Variants in USH2A observed in about 807,000 individuals in gnomAD.
USH2A encodes usherin.
In USH2A, 443 loss-of-function variants were observed where a neutral mutation model predicts 538.9. The ratio of observed to expected loss-of-function variants is 0.82; its 90% CI spans 0.76 to 0.89. The LOEUF (loss-of-function observed/expected upper bound fraction) is 0.89, where lower values mean the gene tolerates loss of function less well. Ranked by LOEUF, USH2A falls within the 40% of genes least tolerant of loss-of-function variation. USH2A has a pLI of 0.00. For missense variants in USH2A, 6,633 were observed against 6,324.8 expected, an observed-to-expected ratio of 1.05 and a Z score of -1.65; for synonymous variants, 2,413 against 2,273.5, an observed-to-expected ratio of 1.06 and a Z score of -1.75.
intron 11 of USH2A, among the ~76,000 whole-genome samples, chr1:216,286,403 T>A (rs185781109): frequency 1.3e-5 from 2 of 152,264 alleles, no homozygotes; most frequent in East Asian, 3.9e-4. Context: ...TTGTGAGGCC[T>A]TCCCAGCCAC....
chr1:215,778,055 C>CTT (rs72004094), intron 55 of USH2A, among the ~76,000 whole-genome samples: 260 of 144,448 alleles, frequency 1.8e-3, no homozygotes, highest in East Asian at 9.5e-3. Context: ...ACCCCATTAT[C>CTT]TTTTTTTTTT....
intron 50 of USH2A, among the ~76,000 whole-genome samples, chr1:215,792,354 AAC>A (rs1331490640): frequency 2.3e-4 from 35 of 152,194 alleles, no homozygotes; most frequent in African/African-American, 7.7e-4. Flanking sequence ...TCACTCACAT[AAC>A]AAGAAGTGAC....
chr1:216,200,411 T>C (rs1409101996), intron 16 of USH2A, among the ~76,000 whole-genome samples: 2 of 152,178 alleles, frequency 1.3e-5, no homozygotes, highest in Admixed American at 1.3e-4. Flanking sequence ...TAAGAGAAAG[T>C]CCTTGCGGTT....
At chr1:216,145,935 T>A (rs1330253395) in intron 21 of USH2A, among the ~76,000 whole-genome samples, 1 of 151,986 alleles carries the variant, frequency 6.6e-6, no homozygotes, top group African/African-American at 2.4e-5. Flanking sequence ...GGCCCCACCC[T>A]TATCTCCCTT....
intron 37 of USH2A, among the ~76,000 whole-genome samples, chr1:215,959,833 C>T (rs983139983): frequency 2.6e-5 from 4 of 152,122 alleles, no homozygotes; most frequent in Admixed American, 6.6e-5. Context: ...AATTAGCACA[C>T]GCTGGTGCCT....
At chr1:216,176,532 A>G (rs2034386149) in intron 20 of USH2A, among the ~76,000 whole-genome samples, 2 of 152,190 alleles carry the variant, frequency 1.3e-5, no homozygotes, top group Admixed American at 1.3e-4. Flanking sequence ...TTCATTTGCT[A>G]CAGTAGATAA....
chr1:215,790,038 G>C (rs115766013), intron 51 of USH2A, 21 bp downstream of exon 51: 1 of 1,608,142 alleles, frequency 6.2e-7, no homozygotes, highest in African/African-American at 1.3e-5. Flanking sequence ...CAGCGCCTCC[G>C]AGAGCTTTTC....
At chr1:215,694,072 T>C (rs984951770) in intron 61 of USH2A, among the ~76,000 whole-genome samples, 7 of 152,058 alleles carry the variant, frequency 4.6e-5, no homozygotes, top group African/African-American at 1.7e-4. Flanking sequence ...AGAAAGACAT[T>C]TAGGGTTAAA....
chr1:216,072,854 T>A, intron 29 of USH2A, 35 bp downstream of exon 29: 1 of 1,489,436 alleles, frequency 6.7e-7, no homozygotes, highest in Non-Finnish European at 9.4e-7. Flanking sequence ...TGCATGTGTG[T>A]GTGTGCACAT....
chr1:215,637,534 T>C (rs1053715735), intron 69 of USH2A, among the ~76,000 whole-genome samples: 4 of 152,200 alleles, frequency 2.6e-5, no homozygotes, highest in Non-Finnish European at 4.4e-5. Context: ...CCTCCACTTG[T>C]CCACTTGGGG....
chr1:216,370,089 T>G (rs2038677023), intron 3 of USH2A, among the ~76,000 whole-genome samples: 1 of 151,984 alleles, frequency 6.6e-6, no homozygotes, highest in Admixed American at 6.6e-5. Flanking sequence ...CCAGGCACAA[T>G]GGCGCGTGCC....
In USH2A at chr1:215,886,095, A is replaced by G. The variant is rs79345313; in HGVS notation, c.8223+2331T>C. ...ATGTACTGATGTTCCGTAAATGTCA[A>G]TAGAACTGAAATTATTATTGTTACT... On this transcript the variant is annotated intron_variant, in intron 41 of 71. Transcript: ENST00000307340. 8.5e-3 allele frequency among the ~76,000 whole-genome samples: 1,292 copies of G among 152,340 alleles called. 22 individuals are homozygous for G. The highest frequency in any genetic ancestry group is 0.03 in the African/African-American group (1,227 of 41,580).
chr1:215,633,841 C>T, intron 70 of USH2A, among the ~76,000 whole-genome samples: 1 of 152,126 alleles, frequency 6.6e-6, no homozygotes, highest in East Asian at 1.9e-4. Flanking sequence ...AATGACTGTC[C>T]TGTAATACCA....
rs370040123 is a variant in USH2A at position 216,235,812 on chromosome 1, G to C, written c.2810-3676C>G. ...GCAATGCTGGGGCTAAGCACTAATT[G>C]TAAGACATTTAGAAGAAACTACTCT... On this transcript the variant is annotated intron_variant, in intron 13 of 71. Coordinates refer to ENST00000307340, the MANE Select transcript of USH2A (RefSeq NM_206933.4). Among the ~76,000 whole-genome samples the C allele has an allele frequency of 9.9e-5, 15 of 152,248 alleles. 1 individual carries two copies. Among genetic ancestry groups the C allele is most frequent in the Admixed American group, 3.9e-4 (6 of 15,294 alleles).
intron 3 of USH2A, among the ~76,000 whole-genome samples, chr1:216,368,108 A>G (rs2038634627): frequency 6.6e-6 from 1 of 152,130 alleles, no homozygotes; most frequent in Non-Finnish European, 1.5e-5. Context: ...TCAAATCTTC[A>G]TTCTCTTCAG....
rs867441803 is a variant in USH2A, at chr1:216,207,407, C to T, written c.3182G>A (p.Arg1061Lys). ...AGCAGAAGAACTTTGAACTTGTCCT[C>T]TGGGCGGAGGTTGCTGGAATGGAGC... ...SKTPFQQPPPRGQVQSSSAIN... is the reference protein window; with the variant it reads ...SKTPFQQPPPKGQVQSSSAIN... Residue 1061 changes from arginine (R) to lysine (K), a missense_variant, in exon 16 of 72, where the codon AGA (arginine) becomes AAA (lysine). Arg to Lys is a conservative substitution (Grantham distance 26, BLOSUM62 2). Transcript: ENST00000307340. The T allele has an allele frequency of 6.2e-7, 1 of 1,614,002 alleles. No individual in the cohort carries two copies. Among genetic ancestry groups the T allele is most frequent in the South Asian group, 1.1e-5 (1 of 91,080 alleles).
intron 30 of USH2A, among the ~76,000 whole-genome samples, chr1:216,067,047 T>G (rs1350622093): frequency 6.6e-6 from 1 of 152,184 alleles, no homozygotes; most frequent in African/African-American, 2.4e-5. Context: ...ACAACGGTAA[T>G]TGTTGGAAAC....
intron 15 of USH2A, among the ~76,000 whole-genome samples, chr1:216,212,999 G>A (rs2035272967): frequency 1.3e-5 from 2 of 152,014 alleles, no homozygotes; most frequent in African/African-American, 4.8e-5. Context: ...AAGCATAAAA[G>A]GAACAGTGCA....
At chr1:215,696,502 T>A (rs1658816358) in intron 61 of USH2A, among the ~76,000 whole-genome samples, 1 of 152,208 alleles carries the variant, frequency 6.6e-6, no homozygotes, top group South Asian at 2.1e-4. Context: ...TTTTCTTTCT[T>A]TCCCTTTTGC....
Sources: gnomAD v4.1 joint callset for allele counts (sites outside exome capture counted in the v4.1 genomes callset) on GRCh38, gnomAD v4.1.1 for gene constraint, MANE v1.5 for transcripts, NCBI Gene and HGNC (gene_info 2026-07-23, HGNC 2026-07-21) for gene names.